CENPV: variants seen among roughly 807,000 people sequenced by gnomAD.
The protein encoded by CENPV is centromere protein V, also known as nuclear protein p30.
Under a neutral mutation model 26.4 loss-of-function variants are expected in CENPV, and 15 were observed. The ratio of observed to expected loss-of-function variants is 0.57; its 90% CI spans 0.38 to 0.88. The LOEUF (loss-of-function observed/expected upper bound fraction) is 0.88, where lower values mean the gene tolerates loss of function less well. Ranked by LOEUF, CENPV falls within the 40% of genes least tolerant of loss-of-function variation. The pLI is 0.00. For missense variants in CENPV, 336 were observed against 376.5 expected (o/e 0.89, Z 0.89); for synonymous variants, 172 against 165.5 (o/e 1.04, Z -0.30).
Position 16,348,601 on chromosome 17 carries a change from C to T in CENPV, c.579+15G>A, listed in dbSNP as rs527525714. On this transcript the variant is annotated intron_variant, in intron 3 of 4. Transcript: ENST00000299736. ...ATGGGTTCTGCACTCCTTGACCCTG[C>T]TCTTAAGCACTGACCTTCAGGAGCT... 1.2e-5 allele frequency: 20 copies of T among 1,613,962 alleles called. No individual in the cohort carries two copies. Among genetic ancestry groups the T allele is most frequent in the African/African-American group, 2.7e-5 (2 of 75,078 alleles).
chr17:16,343,708 C>T (rs1466794868), intron 4 of CENPV, among the ~76,000 whole-genome samples: 1 of 152,156 alleles, frequency 6.6e-6, no homozygotes, highest in Admixed American at 6.6e-5. Flanking sequence ...AGATGAGGAA[C>T]AGGAGGCCCT....
chr17:16,348,829 C>G, intron 2 of CENPV, 144 bp from the exon 3 acceptor site: 1 of 1,450,372 alleles, frequency 6.9e-7, no homozygotes. Context: ...GGGCAAAGGC[C>G]TGGATAGCAG....
intron 3 of CENPV, among the ~76,000 whole-genome samples, chr17:16,346,281 A>G (rs1313265989): frequency 2.6e-5 from 4 of 152,246 alleles, no homozygotes; most frequent in African/African-American, 9.6e-5. Context: ...ACATAGGTAT[A>G]TAGATACTAT....
At position 16,344,368 on chromosome 17, in the gene CENPV, C is replaced by A. The variant is rs2093195649; in HGVS notation, c.694+229G>T. On this transcript the variant is annotated intron_variant, in intron 4 of 4. Coordinates refer to ENST00000299736, the MANE Select transcript of CENPV (RefSeq NM_181716.3). ...GAATAAGAATCACAACCTGGATGGG[C>A]TCCAAGTCCAACTTCACCACATTCA... The A allele has an allele frequency of 1.4e-5, 4 of 295,482 alleles. No individual in the cohort carries two copies. The East Asian group carries it at 2.3e-4, about 17-fold the overall frequency. 18.3% of individuals were successfully genotyped at this position (295,482 alleles called of 1,614,324 possible).
rs1207537118 is a variant in CENPV, at chr17:16,348,684, A to G, written c.511T>C (p.Cys171Arg). The G allele has an allele frequency of 6.2e-7, 1 of 1,613,950 alleles. No homozygotes were observed. The highest frequency in any genetic ancestry group is 1.1e-5 in the South Asian group (1 of 91,072). Reference sequence around the variant, plus strand: ...TTCTGCTTCTTCTTGCAAATGCTGCAACTACAGAAAGACAGAGCAAATTCC... The same window carrying G: ...TTCTGCTTCTTCTTGCAAATGCTGCGACTACAGAAAGACAGAGCAAATTCC... ...SADLHIFDCN[C>R]SICKKKQNRH... Residue 171 changes from cysteine to arginine, a missense_variant and splice_region_variant, in exon 3 of 5, where the codon TGC becomes CGC. Cys to Arg is a radical substitution (Grantham distance 180). This residue lies in a region of CENPV where 155 missense variants were observed against 227.8 expected (regional missense o/e 0.68). Coordinates refer to ENST00000299736, the MANE Select transcript of CENPV (RefSeq NM_181716.3).
chr17:16,346,572 G>A (rs1286536051), intron 3 of CENPV, among the ~76,000 whole-genome samples: 1 of 152,066 alleles, frequency 6.6e-6, no homozygotes, highest in Non-Finnish European at 1.5e-5. Flanking sequence ...CCAACATGGT[G>A]AAACCCTGTC....
chr17:16,346,237 TTTA>T (rs764019176), intron 3 of CENPV, among the ~76,000 whole-genome samples: 39 of 152,198 alleles, frequency 2.6e-4, no homozygotes, highest in Non-Finnish European at 4.7e-4. Context: ...TTTCTTGAAA[TTTA>T]TTATACAGAT....
intron 4 of CENPV, among the ~76,000 whole-genome samples, chr17:16,343,718 T>TGTTCTCATGTGACAGATGAGGAACAG: frequency 6.6e-6 from 1 of 152,176 alleles, no homozygotes; most frequent in Non-Finnish European, 1.5e-5. Flanking sequence ...CAGGAGGCCC[T>TGTTCTCATGTGACAGATGAGGAACAG]GAAGCAATGG....
At position 16,342,775 on chromosome 17, in the gene CENPV, G is replaced by T. The variant is rs773331721; in HGVS notation, c.*42C>A. On this transcript the variant is annotated 3_prime_UTR_variant, in exon 5 of 5. Coordinates refer to ENST00000299736, the MANE Select transcript of CENPV (RefSeq NM_181716.3). The stretch of plus-strand genomic sequence containing the variant: ...CACGGCAGGGAGAGCAAAGTTGCTG[G>T]CCCCAATCATTCCTCCTTTTCAGGG... 1 of 1,612,892 alleles carries T rather than the reference G, an allele frequency of 6.2e-7. No individual in the cohort carries two copies. Among genetic ancestry groups the T allele is most frequent in the Non-Finnish European group, 8.5e-7 (1 of 1,179,204 alleles).
intron 2 of CENPV, 73 bp from the exon 3 acceptor site, chr17:16,348,758 T>TG: frequency 6.2e-7 from 1 of 1,601,230 alleles, no homozygotes; most frequent in Non-Finnish European, 8.5e-7. Flanking sequence ...GGCCCAGCCA[T>TG]GAGAGCCAGC....
chr17:16,348,167 A>G (rs567016379), intron 3 of CENPV: 1 of 90,240 alleles, frequency 1.1e-5, no homozygotes, highest in African/African-American at 4.0e-5. Context: ...TTTTATTTTC[A>G]TTTTTTTTGA....
chr17:16,352,315 C>G (rs1027488343), intron 1 of CENPV, among the ~76,000 whole-genome samples: 1 of 152,186 alleles, frequency 6.6e-6, no homozygotes, highest in Non-Finnish European at 1.5e-5. Flanking sequence ...CGCGGACACT[C>G]GAGATGCTCC....
chr17:16,346,601 A>T lies in CENPV; in HGVS notation c.580-1890T>A, dbSNP rs369646744. ...CCCTGTCTGTACTAAAAATGTAAAA[A>T]TTAGCCAGATGTGGTGGCGGGCACC... On this transcript the variant is annotated intron_variant, in intron 3 of 4. Transcript: ENST00000299736. 3.3e-5 allele frequency among the ~76,000 whole-genome samples: 5 copies of T among 152,184 alleles called. No homozygotes were observed. The East Asian group carries it at 5.9e-4, about 18-fold the overall frequency.
intron 1 of CENPV, chr17:16,350,535 G>C (rs1416889487): frequency 1.3e-5 from 2 of 152,940 alleles, no homozygotes; most frequent in Non-Finnish European, 1.5e-5. Flanking sequence ...TAGAGATAGG[G>C]CTTCACCATC....
Position 16,342,811 on chromosome 17 carries a change from A to G in CENPV, c.*6T>C. 2.5e-6 allele frequency: 4 copies of G among 1,613,988 alleles called. No individual in the cohort carries two copies. The highest frequency in any genetic ancestry group is 2.5e-6 in the Non-Finnish European group (3 of 1,179,990). The stretch of plus-strand genomic sequence containing the variant: ...TCCTCCTTTTCAGGGCAGGAGAGGC[A>G]GAAGCTCACTCTTTAGACATGTTCT... On this transcript the variant is annotated 3_prime_UTR_variant, in exon 5 of 5. Transcript: ENST00000299736.
At chr17:16,344,504 T>A in intron 4 of CENPV, 93 bp downstream of exon 4, 1 of 613,234 alleles carries the variant, frequency 1.6e-6, no homozygotes, top group Non-Finnish European at 2.7e-6. Flanking sequence ...CAGGGTCTAG[T>A]CAGCATCCCA....
chr17:16,345,489 G>C (rs1415060853), intron 3 of CENPV, among the ~76,000 whole-genome samples: 2 of 151,846 alleles, frequency 1.3e-5, no homozygotes, highest in African/African-American at 4.9e-5. Context: ...AGCATCAGTT[G>C]AGCCTGGGGA....
intron 3 of CENPV, among the ~76,000 whole-genome samples, chr17:16,345,747 T>C (rs774626103): frequency 2.6e-5 from 4 of 152,106 alleles, no homozygotes; most frequent in Non-Finnish European, 5.9e-5. Context: ...CCTTCCCTGA[T>C]ACATCACATC....
chr17:16,344,965 G>T (rs760283653), intron 3 of CENPV, among the ~76,000 whole-genome samples: 20 of 151,882 alleles, frequency 1.3e-4, no homozygotes, highest in Non-Finnish European at 2.2e-4. Flanking sequence ...TACAGACAGG[G>T]TTTCACCATG....
Sources: gnomAD v4.1 joint callset for allele counts (sites outside exome capture counted in the v4.1 genomes callset) on GRCh38, gnomAD v4.1.1 for gene constraint, gnomAD v4.1.1 regional missense constraint, MANE v1.5 for transcripts, NCBI Gene and HGNC (gene_info 2026-07-23, HGNC 2026-07-21) for gene names.